The following AVEN variants were observed in gnomAD, a reference collection of about 807,000 sequenced individuals.
The protein encoded by AVEN is cell death regulator Aven.
Under a neutral mutation model 38.1 loss-of-function variants are expected in AVEN, and 41 were observed. The ratio of observed to expected loss-of-function variants is 1.08; its 90% CI spans 0.84 to 1.40. The LOEUF (loss-of-function observed/expected upper bound fraction) is 1.40. Among genes scored for constraint, AVEN ranks in the 40% most tolerant of loss-of-function variants. AVEN has a pLI of 0.00. For missense variants in AVEN, 605 were observed against 438.8 expected, an observed-to-expected ratio of 1.38 and a Z score of -3.38; for synonymous variants, 206 against 171.8, an observed-to-expected ratio of 1.20 and a Z score of -1.56.
intron 4 of AVEN, among the ~76,000 whole-genome samples, chr15:33,868,311 C>G (rs1312275670): frequency 3.3e-5 from 5 of 152,102 alleles, no homozygotes; most frequent in South Asian, 2.1e-4. Context: ...ATCATGAGGT[C>G]AGGAGATTGA....
At chr15:33,962,496 C>A (rs1895227026) in intron 2 of AVEN, among the ~76,000 whole-genome samples, 1 of 152,184 alleles carries the variant, frequency 6.6e-6, no homozygotes, top group Non-Finnish European at 1.5e-5. Context: ...ATTTATACCT[C>A]TGTATATTCC....
At chr15:33,853,054 T>C in the AVEN span, 117 of 1,607,162 alleles carry the variant, frequency 7.3e-5, no homozygotes, top group Non-Finnish European at 9.2e-5. Context: ...GATCTTTTCC[T>C]AATAACTACT....
chr15:34,041,122 G>A (rs539883716), upstream of AVEN, among the ~76,000 whole-genome samples: 7 of 152,044 alleles, frequency 4.6e-5, no homozygotes, highest in Non-Finnish European at 7.4e-5. Flanking sequence ...ATTTTGTGGC[G>A]GTAGCTTATC....
At chr15:33,978,709 G>A (rs1284331284) in intron 2 of AVEN, among the ~76,000 whole-genome samples, 4 of 151,864 alleles carry the variant, frequency 2.6e-5, no homozygotes, top group Non-Finnish European at 4.4e-5. Context: ...TAAAATTAAG[G>A]TGTACAAATT....
intron 1 of AVEN, among the ~76,000 whole-genome samples, chr15:34,072,018 C>G (rs1320541679): frequency 6.6e-6 from 1 of 152,090 alleles, no homozygotes; most frequent in Non-Finnish European, 1.5e-5. Context: ...GTAATTCCAG[C>G]ACTTTGGGAG....
At chr15:33,853,742 C>A in the AVEN span, 10 of 1,563,186 alleles carry the variant, frequency 6.4e-6, no homozygotes, top group Non-Finnish European at 8.7e-6. Context: ...CTTTGCTTTT[C>A]CATAGGAAAA....
intron 2 of AVEN, among the ~76,000 whole-genome samples, chr15:33,914,122 G>A (rs1173915706): frequency 1.4e-5 from 2 of 145,616 alleles, no homozygotes; most frequent in Non-Finnish European, 3.1e-5. Flanking sequence ...TGGGAGGAGT[G>A]GAATGTCAGT....
downstream of AVEN, chr15:33,854,540 A>G: frequency 8.6e-7 from 1 of 1,168,008 alleles, no homozygotes; most frequent in South Asian, 1.5e-5. Flanking sequence ...AGAAGGGTTC[A>G]GGGATTGCTT....
intron 1 of AVEN, among the ~76,000 whole-genome samples, chr15:34,038,229 G>A (rs1899245078): frequency 6.6e-6 from 1 of 152,112 alleles, no homozygotes; most frequent in Admixed American, 6.5e-5. Flanking sequence ...ATCTGGTCCC[G>A]CCCCCAAATA....
chr15:33,867,693 T>G lies in AVEN; in HGVS notation c.775A>C (p.Asn259His). The G allele has an allele frequency of 6.2e-7, 1 of 1,614,168 alleles. No homozygotes were observed. The highest frequency in any genetic ancestry group is 1.1e-5 in the South Asian group (1 of 91,086). Residue 259 changes from asparagine to histidine, a missense_variant, in exon 5 of 6, where the codon AAC becomes CAC. By Grantham distance (68) the Asn-to-His change is moderately conservative. Coordinates refer to ENST00000306730, the MANE Select transcript of AVEN (RefSeq NM_020371.3). ...AGCPVLLGKD[N>H]PSPGPSRDSQ... ...TCCCTTGAAGGACCCGGGCTTGGGTTGTCTTTGCCCAGCAACACAGGGCAG... is the reference window on the plus strand; with the variant it reads ...TCCCTTGAAGGACCCGGGCTTGGGTGGTCTTTGCCCAGCAACACAGGGCAG...
At chr15:33,870,883 T>C in intron 4 of AVEN, 52 bp downstream of exon 4, 1 of 1,374,872 alleles carries the variant, frequency 7.3e-7, no homozygotes. Flanking sequence ...TTCCCCTCTT[T>C]TTCTCCTCCT....
chr15:33,920,258 G>A (rs1893344257), intron 2 of AVEN, among the ~76,000 whole-genome samples: 2 of 152,166 alleles, frequency 1.3e-5, no homozygotes, highest in African/African-American at 2.4e-5. Context: ...GTAGCATTAA[G>A]TATATGCATA....
chr15:33,943,829 A>AAAAAAG (rs1480551849), intron 2 of AVEN, among the ~76,000 whole-genome samples: 1 of 150,992 alleles, frequency 6.6e-6, no homozygotes, highest in East Asian at 1.9e-4. Flanking sequence ...TCTTTAAAAA[A>AAAAAAG]AAAAAAAAAA....
chr15:34,018,252 G>C (rs563833925), intron 1 of AVEN: 10 of 152,340 alleles, frequency 6.6e-5, no homozygotes, highest in African/African-American at 1.9e-4. Context: ...GGAGGTGGAA[G>C]ACAGTGATAT....
chr15:33,954,630 C>T (rs1480689893), intron 2 of AVEN, among the ~76,000 whole-genome samples: 1 of 138,640 alleles, frequency 7.2e-6, no homozygotes, highest in Non-Finnish European at 1.5e-5. Flanking sequence ...GGGTGGGGAA[C>T]ATCACACCCC....
At chr15:34,023,916 TA>T (rs1898322059) in intron 1 of AVEN, among the ~76,000 whole-genome samples, 2 of 152,256 alleles carry the variant, frequency 1.3e-5, no homozygotes, top group South Asian at 2.1e-4. Flanking sequence ...GATGGCAAAA[TA>T]GAGGACTCTA....
intron 2 of AVEN, among the ~76,000 whole-genome samples, chr15:33,878,500 G>A (rs1198399094): frequency 6.6e-6 from 1 of 152,032 alleles, no homozygotes; most frequent in Admixed American, 6.6e-5. Context: ...AACATATTTT[G>A]TATGAATCAG....
At chr15:33,948,127 T>C (rs570599389) in intron 2 of AVEN, among the ~76,000 whole-genome samples, 1 of 150,268 alleles carries the variant, frequency 6.7e-6, no homozygotes, top group Admixed American at 6.7e-5. Context: ...AGATGGAGTC[T>C]CGCTCTGTCT....
At chr15:33,944,251 C>G (rs886475117) in intron 2 of AVEN, among the ~76,000 whole-genome samples, 1 of 152,154 alleles carries the variant, frequency 6.6e-6, no homozygotes, top group Non-Finnish European at 1.5e-5. Flanking sequence ...AGCAACTATA[C>G]TGTGGTAACT....
Sources: gnomAD v4.1 joint callset for allele counts (sites outside exome capture counted in the v4.1 genomes callset) on GRCh38, gnomAD v4.1.1 for gene constraint, MANE v1.5 for transcripts, NCBI Gene and HGNC (gene_info 2026-07-23, HGNC 2026-07-21) for gene names.